CERS6: variants seen among roughly 807,000 people sequenced by gnomAD.
CERS6 encodes the protein ceramide synthase 6.
CERS6 carries 26 observed loss-of-function variants against 56.8 expected under a neutral mutation model. That is an observed-to-expected ratio of 0.46 (90% CI 0.34 to 0.63). CERS6 has a LOEUF of 0.63. CERS6 is among the 30% of genes least tolerant of loss of function. The pLI is 0.01. For synonymous variants in CERS6, 164 were observed against 173.3 expected, an observed-to-expected ratio of 0.95 and a Z score of 0.42; for missense variants, 415 against 467.5, an observed-to-expected ratio of 0.89 and a Z score of 1.04.
chr2:168,619,928 C>T (rs1684420369), intron 3 of CERS6, among the ~76,000 whole-genome samples: 1 of 149,038 alleles, frequency 6.7e-6, no homozygotes, highest in Non-Finnish European at 1.5e-5. Flanking sequence ...GTGGAACCAG[C>T]CCAAATGCCC....
chr2:168,469,507 CT>C (rs1315307715), intron 1 of CERS6, among the ~76,000 whole-genome samples: 2 of 152,096 alleles, frequency 1.3e-5, no homozygotes, highest in African/African-American at 4.8e-5. Context: ...CATAGACTTT[CT>C]ACTGAAAATG....
chr2:168,671,167 A>G (rs1342189188), intron 4 of CERS6, among the ~76,000 whole-genome samples: 1 of 151,708 alleles, frequency 6.6e-6, no homozygotes, highest in Non-Finnish European at 1.5e-5. Flanking sequence ...GGGTTTCACC[A>G]TGTTGGCCAG....
At chr2:168,591,673 G>A (rs1042751204) in intron 3 of CERS6, among the ~76,000 whole-genome samples, 22 of 152,272 alleles carry the variant, frequency 1.4e-4, no homozygotes, top group African/African-American at 5.3e-4. Flanking sequence ...CAGTGCCCTA[G>A]CAAAAGACTT....
chr2:168,762,222 A>G (rs1684602719), intron 8 of CERS6, among the ~76,000 whole-genome samples: 1 of 152,222 alleles, frequency 6.6e-6, no homozygotes, highest in Non-Finnish European at 1.5e-5. Context: ...ATAAGAATGA[A>G]AACTAATTTT....
At chr2:168,645,116 A>AATATATATATAT (rs1553503151) in intron 4 of CERS6, among the ~76,000 whole-genome samples, 2 of 19,034 alleles carry the variant, frequency 1.1e-4, no homozygotes, top group Non-Finnish European at 2.0e-4. Flanking sequence ...AAAAAAAAAA[A>AATATATATATAT]ATATATATAT....
At chr2:168,667,510 T>C (rs1685793024) in intron 4 of CERS6, among the ~76,000 whole-genome samples, 1 of 152,246 alleles carries the variant, frequency 6.6e-6, no homozygotes. Context: ...TATCAGAGAC[T>C]TGAGTGCATT....
At chr2:168,459,473 G>T (rs187744449) in intron 1 of CERS6, among the ~76,000 whole-genome samples, 53 of 152,308 alleles carry the variant, frequency 3.5e-4, no homozygotes, top group Admixed American at 1.5e-3. Context: ...CAGCATGGTT[G>T]GTAAAAAATG....
chr2:168,486,242 G>A (rs1694272166), intron 1 of CERS6, among the ~76,000 whole-genome samples: 1 of 152,092 alleles, frequency 6.6e-6, no homozygotes, highest in African/African-American at 2.4e-5. Flanking sequence ...TGGATACCAG[G>A]TAGTCTTTTA....
intron 4 of CERS6, among the ~76,000 whole-genome samples, chr2:168,641,850 C>T (rs372896224): frequency 6.6e-6 from 1 of 150,400 alleles, no homozygotes; most frequent in South Asian, 2.2e-4. Flanking sequence ...TCCTATAGCA[C>T]TTGATATCCA....
chr2:168,541,357 C>T (rs189276502), intron 1 of CERS6, among the ~76,000 whole-genome samples: 174 of 152,296 alleles, frequency 1.1e-3, no homozygotes, highest in Middle Eastern at 3.4e-3. Flanking sequence ...ACTATTATTT[C>T]TTCTAATATT....
At chr2:168,704,916 C>T (rs1212565829) in intron 6 of CERS6, among the ~76,000 whole-genome samples, 2 of 152,192 alleles carry the variant, frequency 1.3e-5, no homozygotes. Flanking sequence ...GTTCTTGATC[C>T]CCATCTCTTC....
At chr2:168,500,917 C>T (rs564293778) in intron 1 of CERS6, among the ~76,000 whole-genome samples, 1 of 152,220 alleles carries the variant, frequency 6.6e-6, no homozygotes, top group African/African-American at 2.4e-5. Context: ...ACAATGTGGC[C>T]TAGCATATAT....
At position 168,748,556 on chromosome 2, in the gene CERS6, C is replaced by T. The variant is rs144675860; in HGVS notation, c.846-17036C>T. On this transcript the variant is annotated intron_variant, in intron 8 of 9. Coordinates refer to ENST00000305747, the MANE Select transcript of CERS6 (RefSeq NM_203463.3). ...TTGTGGTCCTACTCCTGAACCTGCA[C>T]GCCCCCACCGAATGGCTGGCCTGGG... is the stretch of plus-strand genomic sequence containing the variant. Among the ~76,000 whole-genome samples, 838 of 152,262 alleles carry T rather than the reference C, an allele frequency of 5.5e-3. 2 individuals are homozygous for T. The highest frequency in any genetic ancestry group is 0.017 in the Middle Eastern group (5 of 294).
chr2:168,630,038 G>A (rs963185177), intron 3 of CERS6, among the ~76,000 whole-genome samples: 5 of 151,890 alleles, frequency 3.3e-5, no homozygotes, highest in Admixed American at 2.6e-4. Flanking sequence ...GGATGATCTC[G>A]ATCTCCTGAC....
At chr2:168,639,882 C>T (rs1322967658) in intron 4 of CERS6, among the ~76,000 whole-genome samples, 2 of 152,076 alleles carry the variant, frequency 1.3e-5, no homozygotes, top group African/African-American at 2.4e-5. Context: ...CCTCCCTTCT[C>T]ATTTATTAAT....
intron 1 of CERS6, among the ~76,000 whole-genome samples, chr2:168,493,766 G>A (rs1421213346): frequency 1.3e-5 from 2 of 151,902 alleles, no homozygotes; most frequent in Admixed American, 1.3e-4. Context: ...TGCATTTGGT[G>A]AGACACCCAC....
chr2:168,542,170 C>T (rs1282256005), intron 1 of CERS6, among the ~76,000 whole-genome samples: 3 of 151,800 alleles, frequency 2.0e-5, no homozygotes, highest in African/African-American at 4.8e-5. Context: ...TTGTGAAATC[C>T]ATTAGCTCAT....
At chr2:168,576,326 T>G (rs868818805) in intron 3 of CERS6, among the ~76,000 whole-genome samples, 2 of 152,152 alleles carry the variant, frequency 1.3e-5, no homozygotes, top group Non-Finnish European at 2.9e-5. Context: ...TCTTATCCTT[T>G]TTTGAGAACC....
At chr2:168,612,719 A>T (rs1297323721) in intron 3 of CERS6, among the ~76,000 whole-genome samples, 2 of 152,196 alleles carry the variant, frequency 1.3e-5, no homozygotes, top group Non-Finnish European at 2.9e-5. Flanking sequence ...TGGCCTCTGG[A>T]TATGTAAGAA....
Sources: allele counts gnomAD v4.1 joint callset (sites outside exome capture counted in the v4.1 genomes callset), GRCh38; gene constraint gnomAD v4.1.1; transcripts MANE v1.5; gene names NCBI Gene and HGNC (gene_info 2026-07-23, HGNC 2026-07-21).